The following MYT1 variants were observed in gnomAD, a reference collection of about 807,000 sequenced individuals.
The protein encoded by MYT1 is myelin transcription factor I.
A neutral mutation model predicts 123.0 loss-of-function variants in MYT1; 23 were observed. The ratio of observed to expected loss-of-function variants is 0.19; its 90% confidence interval spans 0.13 to 0.26. The LOEUF is 0.26. Ranked by LOEUF, MYT1 falls within the 10% of genes least tolerant of loss-of-function variation. MYT1 has a pLI of 1.00. For missense variants in MYT1, 1,125 were observed against 1,472.5 expected, an observed-to-expected ratio of 0.76 and a Z score of 3.86; for synonymous variants, 518 against 575.3, an observed-to-expected ratio of 0.90 and a Z score of 1.43.
Position 64,218,810 on chromosome 20 carries a change from GTGT to G in MYT1, c.1847-96_1847-94del, listed in dbSNP as rs1439503880. ...TCTTTTCAAGTTGTATATCAGCCTG[GTGT>G]TGTTCCCTTTTTGCAGCCAAACCTT... On this transcript the variant is annotated intron_variant, in intron 11 of 22. Transcript: ENST00000328439. The surrounding 1 kb of genome is among the most constrained non-coding windows in gnomAD (Gnocchi z 4.0). 6.6e-7 allele frequency: 1 copy of G among 1,508,720 alleles called. No homozygotes were observed. The highest frequency in any genetic ancestry group is 2.3e-5 in the East Asian group (1 of 44,366). The allele number at this position is 1,508,720 out of a possible 1,614,324, so 93.5% of individuals were successfully genotyped here. A position where few individuals can be genotyped will look rare whatever the true frequency, so the allele number is the denominator to read the frequency against.
intron 16 of MYT1, 140 bp downstream of exon 16, chr20:64,223,499 G>A (rs1478952802): frequency 1.0e-6 from 1 of 961,100 alleles, no homozygotes; most frequent in Non-Finnish European, 1.6e-6. Context: ...TGGGCAGAGG[G>A]GCAGGGCCGT....
chr20:64,220,456 T>C (rs948786968), intron 13 of MYT1, among the ~76,000 whole-genome samples: 3 of 152,232 alleles, frequency 2.0e-5, no homozygotes, highest in South Asian at 2.1e-4. Flanking sequence ...TGGGCAGTTC[T>C]ACGTCCCCGA....
chr20:64,199,030 G>A, intron 3 of MYT1, 114 bp downstream of exon 3: 1 of 1,035,376 alleles, frequency 9.7e-7, no homozygotes, highest in Non-Finnish European at 1.4e-6. Context: ...GGGACCTCAG[G>A]CCTCTTCAGC....
At chr20:64,209,404 G>A (rs1950782773) in intron 7 of MYT1, among the ~76,000 whole-genome samples, 2 of 152,172 alleles carry the variant, frequency 1.3e-5, no homozygotes, top group Non-Finnish European at 2.9e-5. Context: ...TGGTGCGGAG[G>A]GCCTCCTGCA....
chr20:64,215,212 G>C (rs368815823), intron 10 of MYT1, among the ~76,000 whole-genome samples: 1 of 152,186 alleles, frequency 6.6e-6, no homozygotes, highest in African/African-American at 2.4e-5. Flanking sequence ...TGGCCCCCGT[G>C]TGAGGCCAGG....
rs537022751 is a variant in MYT1, at chr20:64,213,748, T to C, written c.1631+101T>C. Reference sequence around the variant, plus strand: ...CTGTATGTGCATGTGTGTGAGTGCATGTGTGTGAGTGTACGTGCATGTGAG... The same window carrying C: ...CTGTATGTGCATGTGTGTGAGTGCACGTGTGTGAGTGTACGTGCATGTGAG... On this transcript the variant is annotated intron_variant, in intron 10 of 22. Coordinates refer to ENST00000328439, the MANE Select transcript of MYT1 (RefSeq NM_004535.3). The surrounding 1 kb of genome is among the most constrained non-coding windows in gnomAD (Gnocchi z 5.6). 1 of 928,494 alleles carries C rather than the reference T, an allele frequency of 1.1e-6. No individual in the cohort carries two copies. Among genetic ancestry groups the C allele is most frequent in the Non-Finnish European group, 1.7e-6 (1 of 589,126 alleles). 57.5% of individuals were successfully genotyped at this position (928,494 alleles called of 1,614,324 possible). A position where few individuals can be genotyped will look rare whatever the true frequency, so the allele number is the denominator to read the frequency against.
Position 64,240,423 on chromosome 20 carries a change from A to G in MYT1, c.3341A>G (p.Gln1114Arg). 2 of 1,613,612 alleles carry G rather than the reference A, an allele frequency of 1.2e-6. No individual in the cohort carries two copies. Among genetic ancestry groups the G allele is most frequent in the Non-Finnish European group, 1.7e-6 (2 of 1,179,906 alleles). ...ENKDLLESIK[Q>R]AVRGIQV ...AAGGACCTCCTGGAGAGCATCAAGC[A>G]GGCTGTGAGGGGCATCCAGGTCTAG... The change falls in exon 23 of 23, where the codon CAG (glutamine) becomes CGG (arginine). Residue 1114 changes from glutamine to arginine, a missense_variant. Physicochemically the swap from Gln to Arg is conservative, Grantham distance 43 (BLOSUM62 1). Coordinates refer to ENST00000328439, the MANE Select transcript of MYT1 (RefSeq NM_004535.3).
At chr20:64,211,478 A>T (rs1269822257) in intron 8 of MYT1, 138 bp downstream of exon 8, 1 of 901,256 alleles carries the variant, frequency 1.1e-6, no homozygotes, top group African/African-American at 1.7e-5. Context: ...GCTCATCCTT[A>T]CATCTCCCCG....
At chr20:64,219,675 G>C in intron 12 of MYT1, 38 bp from the exon 13 acceptor site, 1 of 1,553,686 alleles carries the variant, frequency 6.4e-7, no homozygotes. Context: ...CATGGGAAGG[G>C]ATGGAATCGC....
chr20:64,228,567 G>C (rs1984235223), intron 18 of MYT1, among the ~76,000 whole-genome samples: 1 of 152,164 alleles, frequency 6.6e-6, no homozygotes, highest in Non-Finnish European at 1.5e-5. Context: ...TCTCACTGGG[G>C]CAGGGTGGGG....
At chr20:64,170,884 T>TATATATATATAG (rs1569303821) in intron 1 of MYT1, among the ~76,000 whole-genome samples, 1 of 20,010 alleles carries the variant, frequency 5.0e-5, no homozygotes, top group Non-Finnish European at 7.9e-5. Flanking sequence ...TATATATATA[T>TATATATATATAG]AGAGAGAGAG....
chr20:64,236,514 T>C (rs1984554202), intron 19 of MYT1, 41 bp from the exon 20 acceptor site: 3 of 1,549,824 alleles, frequency 1.9e-6, no homozygotes, highest in Non-Finnish European at 2.7e-6. Context: ...TCGTGGTGGG[T>C]GACCCTGGGC....
chr20:64,236,459 T>C (rs1984550608), intron 19 of MYT1, 96 bp from the exon 20 acceptor site: 1 of 877,592 alleles, frequency 1.1e-6, no homozygotes, highest in Non-Finnish European at 1.8e-6. Flanking sequence ...GGGCTGGCCG[T>C]GGTATGTGAC....
At position 64,208,022 on chromosome 20, in the gene MYT1, G is replaced by A. The variant is rs1427760005; in HGVS notation, c.826G>A (p.Glu276Lys). ...GGAAGAGGAGGAGGAGGAGGATGAA[G>A]AAGAGGAAGAGGAAGAGGAGGAGGA... ...EEEEEEEEDE[E>K]EEEEEEEEEE... is the part of the protein sequence containing the mutation. The change falls in exon 7 of 23, where the codon GAA becomes AAA. Residue 276 changes from glutamate (E) to lysine (K), a missense_variant. By Grantham distance (56) the Glu-to-Lys change is moderately conservative (BLOSUM62 1). Transcript: ENST00000328439. This position sits in a 1 kb window ranked among gnomAD's most constrained non-coding sequence, Gnocchi z 5.4. 3.8e-6 allele frequency: 6 copies of A among 1,589,628 alleles called. No individual in the cohort carries two copies. The highest frequency in any genetic ancestry group is 5.1e-6 in the Non-Finnish European group (6 of 1,165,496).
chr20:64,178,903 G>A lies in MYT1; in HGVS notation c.-98-11160G>A, dbSNP rs79303260. Among the ~76,000 whole-genome samples, 158 of 79,740 alleles carry A rather than the reference G, an allele frequency of 2.0e-3. 2 individuals are homozygous for A. The highest frequency in any genetic ancestry group is 4.6e-3 in the African/African-American group (82 of 17,688). The allele number at this position is 79,740 out of a possible 152,430, so 52.3% of individuals were successfully genotyped here. On this transcript the variant is annotated intron_variant, in intron 1 of 22. Transcript: ENST00000328439. ...GCACTAAGCCGTTATTCAGTGGGATGCCCTTCAACGTGGGAGCACTGAGCC... is the reference window on the plus strand; with the variant it reads ...GCACTAAGCCGTTATTCAGTGGGATACCCTTCAACGTGGGAGCACTGAGCC...
Position 64,180,767 on chromosome 20 carries a change from A to G in MYT1, c.-98-9296A>G, listed in dbSNP as rs142317716. 8.2e-3 allele frequency among the ~76,000 whole-genome samples: 1,251 copies of G among 152,294 alleles called. 11 individuals carry two copies. The highest frequency in any genetic ancestry group is 0.028 in the African/African-American group (1,176 of 41,560). ...AGCTTCCTTTGTAGCGTTGAGCGTT[A>G]TCTTTCTTTATCTTCAGTGTTTCGC... On this transcript the variant is annotated intron_variant, in intron 1 of 22. Transcript: ENST00000328439.
rs1207310981 is a variant in MYT1, at chr20:64,189,949, G to T, written c.-98-114G>T. 1.3e-5 allele frequency: 2 copies of T among 152,584 alleles called. No individual in the cohort carries two copies. Among genetic ancestry groups the T allele is most frequent in the Non-Finnish European group, 2.9e-5 (2 of 68,024 alleles). 9.5% of individuals were successfully genotyped at this position (152,584 alleles called of 1,614,324 possible). ...CGGTGGATTCCAGGAAATAGGCATT[G>T]AATATATGATGTTAAAAAAGTGCCT... On this transcript the variant is annotated intron_variant, in intron 1 of 22. Coordinates refer to ENST00000328439, the MANE Select transcript of MYT1 (RefSeq NM_004535.3). This position sits in a 1 kb window ranked among gnomAD's most constrained non-coding sequence, Gnocchi z 5.5.
intron 16 of MYT1, among the ~76,000 whole-genome samples, chr20:64,224,055 G>T (rs2427619): frequency 0.17 from 25,965 of 152,198 alleles, 2,476 homozygotes; most frequent in African/African-American, 0.23. Flanking sequence ...TCCTCCTGGG[G>T]CTGGAGTCAG....
At position 64,221,412 on chromosome 20, in the gene MYT1, G is replaced by A. The variant is rs147980247; in HGVS notation, c.2242-481G>A. 3.3e-5 allele frequency among the ~76,000 whole-genome samples: 5 copies of A among 152,344 alleles called. No individual in the cohort carries two copies. In the East Asian group the frequency reaches 5.8e-4, roughly 18 times the overall value. On this transcript the variant is annotated intron_variant, in intron 13 of 22. Transcript: ENST00000328439. Reference sequence around the variant, plus strand: ...TGGTCAAGGCATCGCACTGGTGGGCGTGTCGGGCCAGGTGGTTTCGAGGTT... The same window carrying A: ...TGGTCAAGGCATCGCACTGGTGGGCATGTCGGGCCAGGTGGTTTCGAGGTT...
Sources: allele counts gnomAD v4.1 joint callset (sites outside exome capture counted in the v4.1 genomes callset), GRCh38; gene constraint gnomAD v4.1.1; non-coding constraint Gnocchi (gnomAD v3.1); transcripts MANE v1.5; gene names NCBI Gene and HGNC (gene_info 2026-07-23, HGNC 2026-07-21).